Variants in MICAL3 observed in about 807,000 individuals in gnomAD.
The protein encoded by MICAL3 is microtubule associated monooxygenase, calponin and LIM domain containing 3.
Under a neutral mutation model 207.4 loss-of-function variants are expected in MICAL3, and 62 were observed. The observed-to-expected ratio is 0.30, with a 90% CI of 0.24 to 0.37. The LOEUF is 0.37. Ranked by LOEUF, MICAL3 falls within the 10% of genes least tolerant of loss-of-function variation. The pLI is 1.00. For missense variants in MICAL3, 2,368 were observed against 2,635.6 expected (o/e 0.90, Z 2.22); for synonymous variants, 1,077 against 1,069.3 (o/e 1.01, Z -0.14).
chr22:17,819,063 C>T lies in MICAL3; in HGVS notation c.3598G>A (p.Glu1200Lys). ...GGCTTCTCTTTGGGGAGCAAAGGCT[C>T]AGGGAAAAGGCGCTCCTCAGGTGAT... is the stretch of plus-strand genomic sequence containing the variant. Reference protein sequence around the residue: ...EKSPEERLFPEPLLPKEKPKA... With the variant: ...EKSPEERLFPKPLLPKEKPKA... Residue 1200 changes from glutamate to lysine, a missense_variant, in exon 26 of 32, where the codon GAG (glutamate) becomes AAG (lysine). Physicochemically the swap from Glu to Lys is moderately conservative, Grantham distance 56 (BLOSUM62 1). This residue lies in a region of MICAL3 where 1,770 missense variants were observed against 1,863.2 expected (regional missense o/e 0.95). Coordinates refer to ENST00000441493, the MANE Select transcript of MICAL3 (RefSeq NM_015241.3). 6.4e-7 allele frequency: 1 copy of T among 1,567,384 alleles called. No individual in the cohort carries two copies. The highest frequency in any genetic ancestry group is 8.6e-7 in the Non-Finnish European group (1 of 1,156,244).
intron 19 of MICAL3, chr22:17,858,404 G>C: frequency 2.2e-6 from 2 of 925,756 alleles, no homozygotes; most frequent in Non-Finnish European, 2.6e-6. Context: ...GCAAGGTAAG[G>C]GCTGGTTTTT....
chr22:17,825,386 C>T (rs549341895), intron 22 of MICAL3, among the ~76,000 whole-genome samples: 5 of 152,268 alleles, frequency 3.3e-5, no homozygotes, highest in South Asian at 2.1e-4. Context: ...GAAGCTGCCA[C>T]GCAGGTTGAT....
At chr22:17,949,953 C>T (rs1264775855) in intron 1 of MICAL3, among the ~76,000 whole-genome samples, 1 of 152,190 alleles carries the variant, frequency 6.6e-6, no homozygotes, top group African/African-American at 2.4e-5. Context: ...ATGCTGCTGA[C>T]CAACAGGAGC....
chr22:18,018,382 A>T (rs1924206804), intron 1 of MICAL3, among the ~76,000 whole-genome samples: 1 of 152,224 alleles, frequency 6.6e-6, no homozygotes. Context: ...ACCATGATTC[A>T]TAATAAGAAA....
At chr22:17,965,011 G>A (rs1481078266) in intron 1 of MICAL3, among the ~76,000 whole-genome samples, 5 of 152,088 alleles carry the variant, frequency 3.3e-5, no homozygotes, top group Admixed American at 1.3e-4. Context: ...AGCAGGTGCG[G>A]GCCTGCCCCC....
chr22:17,953,340 C>T (rs1001932033), intron 1 of MICAL3, among the ~76,000 whole-genome samples: 5 of 152,166 alleles, frequency 3.3e-5, no homozygotes, highest in African/African-American at 4.8e-5. Context: ...AATGGATGAT[C>T]GCACGCCCTT....
intron 1 of MICAL3, among the ~76,000 whole-genome samples, chr22:17,978,879 GAA>G (rs112663401): frequency 7.0e-6 from 1 of 142,582 alleles, no homozygotes; most frequent in Non-Finnish European, 1.5e-5. Flanking sequence ...CTGTTTAAAA[GAA>G]AAAAAAAAAC....
At chr22:17,932,849 C>T (rs1037874989) in intron 1 of MICAL3, among the ~76,000 whole-genome samples, 2 of 152,052 alleles carry the variant, frequency 1.3e-5, no homozygotes, top group Admixed American at 6.5e-5. Context: ...GACTTTAAAC[C>T]AACAAAGATC....
At position 17,808,954 on chromosome 22, in the gene MICAL3, AG is replaced by A; in HGVS notation, c.5557-18del. 1.9e-6 allele frequency: 3 copies of A among 1,544,592 alleles called. No individual in the cohort carries two copies. The highest frequency in any genetic ancestry group is 2.6e-6 in the Non-Finnish European group (3 of 1,144,142). ...CTGGATGATCTATGACAGACAGCAC[AG>A]ACTGAGCACCCGGCTCTCCAGCCCT... is the stretch of plus-strand genomic sequence containing the variant. On this transcript the variant is annotated intron_variant, in intron 28 of 31. Coordinates refer to ENST00000441493, the MANE Select transcript of MICAL3 (RefSeq NM_015241.3).
chr22:17,816,203 G>C (rs148458988), intron 27 of MICAL3, among the ~76,000 whole-genome samples: 119 of 152,336 alleles, frequency 7.8e-4, no homozygotes, highest in South Asian at 2.9e-3. Flanking sequence ...CAGCCCTGCA[G>C]GTCAGTTCCT....
chr22:17,866,618 T>C (rs148091108), intron 17 of MICAL3, among the ~76,000 whole-genome samples: 35 of 113,478 alleles, frequency 3.1e-4, no homozygotes, highest in African/African-American at 7.8e-4. Flanking sequence ...CAGAACAGAA[T>C]AGAATAGAAT....
At chr22:18,003,771 C>A (rs542186374) in intron 1 of MICAL3, among the ~76,000 whole-genome samples, 203 of 151,658 alleles carry the variant, frequency 1.3e-3, no homozygotes, top group African/African-American at 4.6e-3. Flanking sequence ...GATACCCTTT[C>A]TTTATTTTTT....
intron 1 of MICAL3, among the ~76,000 whole-genome samples, chr22:17,927,286 A>T (rs1481955029): frequency 6.6e-6 from 1 of 152,186 alleles, no homozygotes; most frequent in Admixed American, 6.5e-5. Flanking sequence ...GCTGAATAAT[A>T]ATTCCATTGT....
In MICAL3 at chr22:17,933,994, C is replaced by CA. The variant is rs535893064; in HGVS notation, c.-74-27109dup. Among the ~76,000 whole-genome samples the CA allele has an allele frequency of 8.3e-3, 1,257 of 152,102 alleles. 16 individuals carry two copies. Among genetic ancestry groups the CA allele is most frequent in the African/African-American group, 0.028 (1,180 of 41,496 alleles). ...AGGCAGTAATTAACAGCCTAGCAAC[C>CA]AAAAAAAGTCCAGGACCAGATGGAT... On this transcript the variant is annotated intron_variant, in intron 1 of 31. Coordinates refer to ENST00000441493, the MANE Select transcript of MICAL3 (RefSeq NM_015241.3).
intron 19 of MICAL3, among the ~76,000 whole-genome samples, chr22:17,854,893 C>G (rs1284973559): frequency 1.3e-5 from 2 of 152,208 alleles, no homozygotes. Flanking sequence ...TTGGATATTA[C>G]AGCAGGACGT....
intron 1 of MICAL3, among the ~76,000 whole-genome samples, chr22:17,969,887 C>A (rs1291640408): frequency 6.6e-6 from 1 of 152,200 alleles, no homozygotes; most frequent in African/African-American, 2.4e-5. Flanking sequence ...TGTGACTTGC[C>A]TGAGAAAATA....
chr22:18,007,902 G>A (rs149536140), intron 1 of MICAL3, among the ~76,000 whole-genome samples: 1,135 of 105,290 alleles, frequency 0.011, 38 homozygotes, highest in Admixed American at 0.092. Context: ...CAGCCTGGAC[G>A]ACAGAGCGAG....
chr22:17,916,138 A>G (rs997291019), intron 1 of MICAL3, among the ~76,000 whole-genome samples: 3 of 151,424 alleles, frequency 2.0e-5, no homozygotes, highest in African/African-American at 7.3e-5. Context: ...CTCTTCTGCC[A>G]TGGTTCTCAG....
chr22:17,821,966 CT>C (rs1921699003), intron 24 of MICAL3, 63 bp downstream of exon 24: 10 of 1,584,388 alleles, frequency 6.3e-6, no homozygotes, highest in African/African-American at 1.3e-5. Flanking sequence ...CTGAGCCACT[CT>C]TGTGTGCATA....
Sources: gnomAD v4.1 joint callset for allele counts (sites outside exome capture counted in the v4.1 genomes callset) on GRCh38, gnomAD v4.1.1 for gene constraint, gnomAD v4.1.1 regional missense constraint, MANE v1.5 for transcripts, NCBI Gene and HGNC (gene_info 2026-07-23, HGNC 2026-07-21) for gene names.